The following ZNF670 variants were observed in gnomAD, a reference collection of about 807,000 sequenced individuals.
The protein encoded by ZNF670 is zinc finger protein 670.
Under a neutral mutation model 10.9 loss-of-function variants are expected in ZNF670, and 7 were observed. The observed-to-expected ratio is 0.64, with a 90% CI of 0.36 to 1.20. ZNF670 has a LOEUF of 1.20. Ranked by LOEUF, ZNF670 falls within the 50% of genes most tolerant of loss-of-function variation. The pLI, the probability that ZNF670 is intolerant of heterozygous loss-of-function variation, is 0.02. For synonymous variants in ZNF670, 136 were observed against 152.7 expected, an observed-to-expected ratio of 0.89 and a Z score of 0.81; for missense variants, 446 against 458.6, an observed-to-expected ratio of 0.97 and a Z score of 0.25.
chr1:247,038,438 G>A lies in ZNF670; in HGVS notation c.192-11C>T, dbSNP rs1347000958. On this transcript the variant is annotated splice_polypyrimidine_tract_variant and intron_variant, in intron 3 of 3. Transcript: ENST00000366503. ...TCTACCACATGACTGCTGTAAAAAT[G>A]ATAAACATCATTAATGGTACATTTA... The A allele has an allele frequency of 1.3e-6, 2 of 1,588,862 alleles. No individual in the cohort carries two copies. The highest frequency in any genetic ancestry group is 2.2e-5 in the East Asian group (1 of 44,758).
chr1:247,065,914 C>A (rs763506820), intron 1 of ZNF670, among the ~76,000 whole-genome samples: 1 of 152,102 alleles, frequency 6.6e-6, no homozygotes, highest in African/African-American at 2.4e-5. Flanking sequence ...TTTCTCAATG[C>A]GTAATAAATT....
At chr1:247,063,512 G>A (rs1267706440) in intron 1 of ZNF670, among the ~76,000 whole-genome samples, 4 of 151,280 alleles carry the variant, frequency 2.6e-5, no homozygotes, top group Non-Finnish European at 5.9e-5. Context: ...GAACCCAGGA[G>A]GCGGAGCTTG....
intron 1 of ZNF670, among the ~76,000 whole-genome samples, chr1:247,070,643 CAAACT>C (rs781466394): frequency 5.9e-5 from 9 of 152,112 alleles, no homozygotes; most frequent in Non-Finnish European, 1.2e-4. Context: ...GGGACCTAAT[CAAACT>C]AAAGAGCCTC....
At chr1:247,067,614 G>C (rs1004343138) in intron 1 of ZNF670, among the ~76,000 whole-genome samples, 7 of 144,834 alleles carry the variant, frequency 4.8e-5, no homozygotes, top group African/African-American at 1.8e-4. Context: ...AGGCCGAGGC[G>C]GGCGGATCAC....
intron 1 of ZNF670, among the ~76,000 whole-genome samples, chr1:247,040,996 A>C (rs774654817): frequency 1.3e-5 from 2 of 152,200 alleles, no homozygotes; most frequent in Non-Finnish European, 2.9e-5. Context: ...GCCTGTAAGC[A>C]GGAATTTTGT....
chr1:247,058,050 C>G (rs1465224838), intron 1 of ZNF670, among the ~76,000 whole-genome samples: 1 of 152,142 alleles, frequency 6.6e-6, no homozygotes, highest in Non-Finnish European at 1.5e-5. Context: ...CCCATTTACC[C>G]TGGTACAATT....
intron 1 of ZNF670, among the ~76,000 whole-genome samples, chr1:247,054,097 C>T (rs1349902865): frequency 1.3e-5 from 2 of 152,210 alleles, no homozygotes; most frequent in African/African-American, 4.8e-5. Flanking sequence ...CAGAACTCAG[C>T]TAACTTCAGC....
intron 1 of ZNF670, 88 bp downstream of exon 1, chr1:247,078,506 C>G (rs1264497843): frequency 6.5e-7 from 1 of 1,548,658 alleles, no homozygotes; most frequent in Non-Finnish European, 8.8e-7. Context: ...AAACTCGGGT[C>G]GGCACCGCGG....
At chr1:247,073,912 C>T (rs1671193810) in intron 1 of ZNF670, among the ~76,000 whole-genome samples, 1 of 152,146 alleles carries the variant, frequency 6.6e-6, no homozygotes, top group Non-Finnish European at 1.5e-5. Flanking sequence ...AAACAATTTA[C>T]TGATGTTTAC....
chr1:247,064,499 G>A (rs7553547), intron 1 of ZNF670, among the ~76,000 whole-genome samples: 4,374 of 152,278 alleles, frequency 0.029, 224 homozygotes, highest in African/African-American at 0.099. Flanking sequence ...CCTCACCCAG[G>A]AGGCATTTGC....
chr1:247,072,804 GTATATATATATATATATATATA>G lies in ZNF670; in HGVS notation c.3+5768_3+5789del, dbSNP rs74163726. ...CTCTGTCTCAAAAAAAAAAGTGTGT[GTATATATATATATATATATATA>G]TATATATATATATGCATACACACAC... On this transcript the variant is annotated intron_variant, in intron 1 of 3. Transcript: ENST00000366503. 7.8e-4 allele frequency among the ~76,000 whole-genome samples: 37 copies of G among 47,656 alleles called. 1 individual carries two copies. In the Middle Eastern group the frequency reaches 0.037, roughly 47 times the overall value. 31.3% of individuals were successfully genotyped at this position (47,656 alleles called of 152,430 possible).
chr1:247,053,820 T>C (rs1284805432), intron 1 of ZNF670, among the ~76,000 whole-genome samples: 1 of 152,224 alleles, frequency 6.6e-6, no homozygotes, highest in Non-Finnish European at 1.5e-5. Flanking sequence ...CTGTCATCCA[T>C]GCCCATAGGC....
intron 1 of ZNF670, among the ~76,000 whole-genome samples, chr1:247,064,038 C>G (rs993084706): frequency 6.6e-6 from 1 of 152,360 alleles, no homozygotes; most frequent in South Asian, 2.1e-4. Flanking sequence ...CTGGGTCTGG[C>G]CTCAGCCAAT....
At chr1:247,058,722 A>ACATTATG (rs1215149581) in intron 1 of ZNF670, among the ~76,000 whole-genome samples, 6 of 151,788 alleles carry the variant, frequency 4.0e-5, no homozygotes, top group Admixed American at 6.6e-5. Context: ...AAAAAAAAAA[A>ACATTATG]AAAACCACAG....
intron 1 of ZNF670, among the ~76,000 whole-genome samples, chr1:247,076,059 C>T (rs1671243596): frequency 6.6e-6 from 1 of 151,952 alleles, no homozygotes; most frequent in Non-Finnish European, 1.5e-5. Context: ...AAAACTGAAA[C>T]TGAACTAAGT....
chr1:247,046,373 T>C (rs1670448511), intron 1 of ZNF670, among the ~76,000 whole-genome samples: 1 of 152,206 alleles, frequency 6.6e-6, no homozygotes, highest in Non-Finnish European at 1.5e-5. Context: ...AAAGCATCAC[T>C]GCCCTGTGCA....
Position 247,038,432 on chromosome 1 carries a change from A to G in ZNF670, c.192-5T>C, listed in dbSNP as rs1338724659. On this transcript the variant is annotated splice_polypyrimidine_tract_variant and splice_region_variant and intron_variant, in intron 3 of 3. Transcript: ENST00000366503. The stretch of plus-strand genomic sequence containing the variant: ...AGTCTCTCTACCACATGACTGCTGT[A>G]AAAATGATAAACATCATTAATGGTA... 1 of 1,593,382 alleles carries G rather than the reference A, an allele frequency of 6.3e-7. No homozygotes were observed. Among genetic ancestry groups the G allele is most frequent in the Non-Finnish European group, 8.5e-7 (1 of 1,171,878 alleles).
intron 1 of ZNF670, among the ~76,000 whole-genome samples, chr1:247,051,257 G>GA (rs71566687): frequency 1.1e-3 from 121 of 109,814 alleles, no homozygotes; most frequent in Admixed American, 1.5e-3. Context: ...CCGTCTCCAA[G>GA]AAAAAAAAAA....
chr1:247,069,179 A>T (rs1671060584), intron 1 of ZNF670, among the ~76,000 whole-genome samples: 1 of 151,196 alleles, frequency 6.6e-6, no homozygotes, highest in African/African-American at 2.5e-5. Flanking sequence ...ACGTAACTTA[A>T]AGAGTGTAAT....
Sources: allele counts gnomAD v4.1 joint callset (sites outside exome capture counted in the v4.1 genomes callset), GRCh38; gene constraint gnomAD v4.1.1; transcripts MANE v1.5; gene names NCBI Gene and HGNC (gene_info 2026-07-23, HGNC 2026-07-21).